ARIH2: variants seen among roughly 807,000 people sequenced by gnomAD.
ARIH2 encodes the protein E3 ubiquitin-protein ligase ARIH2.
In ARIH2, 12 loss-of-function variants were observed where a neutral mutation model predicts 79.8. The ratio of observed to expected loss-of-function variants is 0.15; its 90% confidence interval spans 0.10 to 0.24. ARIH2 has a LOEUF of 0.24. Among genes scored for constraint, ARIH2 ranks in the 10% least tolerant of loss-of-function variants. The pLI is 1.00. For synonymous variants in ARIH2, 224 were observed against 213.9 expected (o/e 1.05, Z -0.41); for missense variants, 301 against 618.3 (o/e 0.49, Z 5.44).
At chr3:48,924,295 A>G (rs2106850704) in intron 2 of ARIH2, among the ~76,000 whole-genome samples, 1 of 151,914 alleles carries the variant, frequency 6.6e-6, no homozygotes, top group South Asian at 2.1e-4. Context: ...CCACTGATAC[A>G]GATGTGAGCC....
chr3:48,929,385 CA>C lies in ARIH2; in HGVS notation c.255+1573del, dbSNP rs1576145733. On this transcript the variant is annotated intron_variant, in intron 3 of 15. Transcript: ENST00000356401. ...TTTAATTGTGGTAAAATATATGTAA[CA>C]TAAAATTTACTGTTTTACATTCTTC... is the stretch of plus-strand genomic sequence containing the variant. Among the ~76,000 whole-genome samples, 3 of 151,320 alleles carry C rather than the reference CA, an allele frequency of 2.0e-5. No homozygotes were observed. The East Asian group carries it at 5.8e-4, about 29-fold the overall frequency.
At chr3:48,945,253 T>C (rs1331722834) in intron 3 of ARIH2, 1 of 1,244,876 alleles carries the variant, frequency 8.0e-7, no homozygotes, top group Non-Finnish European at 1.1e-6. Flanking sequence ...AAAAGTCTAT[T>C]TGCAAGCTAT....
intron 5 of ARIH2, among the ~76,000 whole-genome samples, chr3:48,965,620 C>G (rs2091710986): frequency 6.6e-6 from 1 of 152,074 alleles, no homozygotes; most frequent in African/African-American, 2.4e-5. Flanking sequence ...CTAGAATGTT[C>G]AGACTCTGGC....
Position 48,936,029 on chromosome 3 carries a change from G to A in ARIH2, c.255+8216G>A, listed in dbSNP as rs563449780. Among the ~76,000 whole-genome samples, 5 of 152,240 alleles carry A rather than the reference G, an allele frequency of 3.3e-5. 1 individual carries two copies. In the East Asian group the frequency reaches 5.8e-4, roughly 18 times the overall value. On this transcript the variant is annotated intron_variant, in intron 3 of 15. Transcript: ENST00000356401. ...ACAAAATGAACTTTGAATTGGAGCC[G>A]GGAAAAAGATACAGGGAAATAATAG...
intron 4 of ARIH2, among the ~76,000 whole-genome samples, chr3:48,962,971 C>T (rs2091424723): frequency 6.6e-6 from 1 of 152,160 alleles, no homozygotes; most frequent in Non-Finnish European, 1.5e-5. Context: ...AGGGTTCAAG[C>T]AACTCTCCTG....
chr3:48,955,782 T>C (rs1389313208), intron 3 of ARIH2, among the ~76,000 whole-genome samples: 1 of 152,222 alleles, frequency 6.6e-6, no homozygotes, highest in Non-Finnish European at 1.5e-5. Flanking sequence ...AGGTGGCCAC[T>C]GCTTCCTCTG....
At chr3:48,919,484 A>G (rs2084448478) in intron 1 of ARIH2, 1 of 240,280 alleles carries the variant, frequency 4.2e-6, no homozygotes, top group African/African-American at 2.2e-5. Context: ...CCGCCTCGCC[A>G]GAAGCTGGTT....
intron 8 of ARIH2, among the ~76,000 whole-genome samples, chr3:48,971,104 T>C (rs754991824): frequency 2.0e-5 from 3 of 152,216 alleles, no homozygotes; most frequent in Non-Finnish European, 2.9e-5. Flanking sequence ...ATAAATATAT[T>C]CTACATCTAC....
intron 3 of ARIH2, among the ~76,000 whole-genome samples, chr3:48,955,206 C>T (rs1033147290): frequency 2.6e-5 from 4 of 151,640 alleles, no homozygotes; most frequent in African/African-American, 4.8e-5. Flanking sequence ...TCAACAGAAA[C>T]GAAAAAGAAA....
chr3:48,942,328 G>A (rs1280049643), intron 3 of ARIH2, among the ~76,000 whole-genome samples: 1 of 152,084 alleles, frequency 6.6e-6, no homozygotes, highest in Non-Finnish European at 1.5e-5. Flanking sequence ...TGGGATTACT[G>A]GCATGAGCCA....
chr3:48,975,228 T>C, intron 11 of ARIH2: 3 of 603,244 alleles, frequency 5.0e-6, no homozygotes, highest in Non-Finnish European at 8.6e-6. Flanking sequence ...AACCTCATGA[T>C]CCTCAGTTAT....
intron 3 of ARIH2, among the ~76,000 whole-genome samples, chr3:48,938,789 G>A (rs959239862): frequency 6.6e-6 from 1 of 151,836 alleles, no homozygotes; most frequent in African/African-American, 2.4e-5. Context: ...TCTAAATTTT[G>A]AAAAGACCGT....
chr3:48,967,427 A>G (rs2091877290), intron 6 of ARIH2, 152 bp downstream of exon 6: 1 of 868,500 alleles, frequency 1.2e-6, no homozygotes, highest in Admixed American at 3.0e-5. Context: ...CATCCATACA[A>G]ACAGTGACAA....
chr3:48,955,618 C>T (rs1283764096), intron 3 of ARIH2, among the ~76,000 whole-genome samples: 3 of 152,194 alleles, frequency 2.0e-5, no homozygotes, highest in Non-Finnish European at 4.4e-5. Flanking sequence ...GATTGTTGAG[C>T]TCTTTCAAGC....
chr3:48,964,849 C>A, intron 4 of ARIH2, 70 bp from the exon 5 acceptor site: 1 of 1,194,278 alleles, frequency 8.4e-7, no homozygotes, highest in Non-Finnish European at 1.2e-6. Context: ...CTTTCTCTGT[C>A]CTGTTATTGT....
intron 13 of ARIH2, 39 bp downstream of exon 13, chr3:48,980,535 C>T (rs1367728672): frequency 9.3e-6 from 15 of 1,605,452 alleles, no homozygotes; most frequent in Non-Finnish European, 1.3e-5. Context: ...TGGTCCAGTG[C>T]CTGGCTCCGT....
At chr3:48,937,617 A>G (rs1327847706) in intron 3 of ARIH2, among the ~76,000 whole-genome samples, 1 of 152,112 alleles carries the variant, frequency 6.6e-6, no homozygotes, top group African/African-American at 2.4e-5. Flanking sequence ...GCTTTTTAAT[A>G]TGTCTAAGCC....
chr3:48,983,116 T>G, intron 15 of ARIH2, 83 bp from the exon 16 acceptor site: 1 of 1,546,892 alleles, frequency 6.5e-7, no homozygotes, highest in Admixed American at 1.7e-5. Flanking sequence ...TCCTTGGAGG[T>G]CCTGGAGGGT....
At chr3:48,983,155 C>G in intron 15 of ARIH2, 44 bp from the exon 16 acceptor site, 1 of 1,610,224 alleles carries the variant, frequency 6.2e-7, no homozygotes. Context: ...TCCTTGCTCC[C>G]AGGCCTGGGC....
Sources: gnomAD v4.1 joint callset for allele counts (sites outside exome capture counted in the v4.1 genomes callset) on GRCh38, gnomAD v4.1.1 for gene constraint, MANE v1.5 for transcripts, NCBI Gene and HGNC (gene_info 2026-07-23, HGNC 2026-07-21) for gene names.